The following CMKLR2 variants were observed in gnomAD, a reference collection of about 807,000 sequenced individuals.
The protein encoded by CMKLR2 is chemerin-like receptor 2.
A neutral mutation model predicts 23.0 loss-of-function variants in CMKLR2; 18 were observed. The observed-to-expected ratio is 0.78, with a 90% CI of 0.54 to 1.16. The LOEUF is 1.16. Among genes scored for constraint, CMKLR2 ranks in the 50% most tolerant of loss-of-function variants. CMKLR2 has a pLI of 0.00. For synonymous variants in CMKLR2, 158 were observed against 158.9 expected (o/e 0.99, Z 0.05); for missense variants, 401 against 412.7 (o/e 0.97, Z 0.25).
intron 1 of CMKLR2, chr2:206,203,350 A>AG (rs1689177606): frequency 6.6e-6 from 1 of 151,340 alleles, no homozygotes; most frequent in African/African-American, 2.4e-5. Context: ...AAAAAAAAAA[A>AG]AAAAGCAGCC....
At chr2:206,183,420 G>C (rs556403681) in intron 1 of CMKLR2, among the ~76,000 whole-genome samples, 1 of 152,282 alleles carries the variant, frequency 6.6e-6, no homozygotes, top group South Asian at 2.1e-4. Context: ...TCCGCATTCT[G>C]TTGGGGCAGG....
At chr2:206,185,738 G>C (rs1688557528) in intron 1 of CMKLR2, among the ~76,000 whole-genome samples, 1 of 152,174 alleles carries the variant, frequency 6.6e-6, no homozygotes. Context: ...GCTTGGATTA[G>C]GTGGTAGCAG....
intron 1 of CMKLR2, among the ~76,000 whole-genome samples, chr2:206,191,903 C>T (rs1287845822): frequency 5.4e-5 from 8 of 149,400 alleles, no homozygotes; most frequent in South Asian, 2.1e-4. Context: ...TGCAATGGCG[C>T]GATCTCGGTT....
chr2:206,180,438 C>A (rs940086051), intron 1 of CMKLR2, among the ~76,000 whole-genome samples: 5 of 151,904 alleles, frequency 3.3e-5, no homozygotes, highest in Admixed American at 6.6e-5. Flanking sequence ...TTACATAAAA[C>A]TTTTCGTTGT....
chr2:206,193,520 G>A (rs1457096286), intron 1 of CMKLR2, among the ~76,000 whole-genome samples: 1 of 152,156 alleles, frequency 6.6e-6, no homozygotes, highest in African/African-American at 2.4e-5. Flanking sequence ...GCATGTGACT[G>A]GACAACTGTT....
chr2:206,190,624 G>A (rs1330062508), intron 1 of CMKLR2, among the ~76,000 whole-genome samples: 1 of 152,182 alleles, frequency 6.6e-6, no homozygotes, highest in African/African-American at 2.4e-5. Context: ...CGTTTTTCTT[G>A]AGTTGGCATT....
chr2:206,186,117 C>CT (rs11317836), intron 1 of CMKLR2, among the ~76,000 whole-genome samples: 28,918 of 140,266 alleles, frequency 0.21, 3,915 homozygotes, highest in East Asian at 0.63. Context: ...GTGGAATGGG[C>CT]TTTTTTTTTT....
chr2:206,207,728 C>CTTTTTTTT (rs71034423), intron 1 of CMKLR2, among the ~76,000 whole-genome samples: 2,540 of 43,474 alleles, frequency 0.058, 679 homozygotes, highest in East Asian at 0.086. Flanking sequence ...ACCTCAGGGC[C>CTTTTTTTT]TTTTTTTTTT....
intron 1 of CMKLR2, among the ~76,000 whole-genome samples, chr2:206,179,303 G>A (rs573116533): frequency 1.3e-5 from 2 of 149,412 alleles, no homozygotes; most frequent in East Asian, 2.0e-4. Context: ...TCGAACTCCC[G>A]ACTTCCGGTG....
At chr2:206,186,724 A>T (rs536837865) in intron 1 of CMKLR2, among the ~76,000 whole-genome samples, 1 of 151,534 alleles carries the variant, frequency 6.6e-6, no homozygotes, top group African/African-American at 2.4e-5. Flanking sequence ...AAGACTTAAC[A>T]TGAAGGAGGT....
At chr2:206,182,743 C>G (rs1188786033) in intron 1 of CMKLR2, among the ~76,000 whole-genome samples, 5 of 152,048 alleles carry the variant, frequency 3.3e-5, no homozygotes, top group Non-Finnish European at 7.3e-5. Flanking sequence ...GCCTCAGCCT[C>G]CAGAATAGTT....
At chr2:206,182,100 T>C (rs1226183384) in intron 1 of CMKLR2, among the ~76,000 whole-genome samples, 1 of 152,020 alleles carries the variant, frequency 6.6e-6, no homozygotes, top group Non-Finnish European at 1.5e-5. Context: ...GGGTGAGTCT[T>C]GCTGTCTCGG....
intron 1 of CMKLR2, among the ~76,000 whole-genome samples, chr2:206,207,389 C>T (rs1689367502): frequency 6.6e-6 from 1 of 152,064 alleles, no homozygotes; most frequent in South Asian, 2.1e-4. Context: ...ATCCACCTGC[C>T]TTGGCCTCCC....
At chr2:206,188,716 T>C (rs1052351729) in intron 1 of CMKLR2, among the ~76,000 whole-genome samples, 1 of 152,240 alleles carries the variant, frequency 6.6e-6, no homozygotes, top group South Asian at 2.1e-4. Flanking sequence ...ATCACATTCC[T>C]GGGTTACTTC....
At chr2:206,205,760 C>T (rs577893133) in intron 1 of CMKLR2, among the ~76,000 whole-genome samples, 22 of 151,956 alleles carry the variant, frequency 1.4e-4, no homozygotes, top group Admixed American at 1.1e-3. Flanking sequence ...AGTGCAATGG[C>T]GTGATCTCGG....
chr2:206,192,287 T>A (rs1040962660), intron 1 of CMKLR2, among the ~76,000 whole-genome samples: 34 of 147,146 alleles, frequency 2.3e-4, no homozygotes, highest in African/African-American at 7.4e-4. Flanking sequence ...GCGTTCTCTT[T>A]AAAAAAAAAA....
rs1206851602 is a variant in CMKLR2, at chr2:206,177,051, T to A, written c.197A>T (p.Lys66Met). ...CAGAGTGGTGACTGTCTTCTTCCAC[T>A]TGAACCCCGTGAACCAAATGACGAT... is the stretch of plus-strand genomic sequence containing the variant. ...NAIVIWFTGF[K>M]WKKTVTTLWF... Residue 66 changes from lysine (K) to methionine (M), a missense_variant, in exon 2 of 2, where the codon AAG becomes ATG. By Grantham distance (95) the Lys-to-Met change is moderately conservative. Transcript: ENST00000621141. The A allele has an allele frequency of 6.2e-7, 1 of 1,614,196 alleles. No individual in the cohort carries two copies. The highest frequency in any genetic ancestry group is 1.7e-5 in the Admixed American group (1 of 60,026).
In CMKLR2 at chr2:206,178,828, T is replaced by C. The variant is rs149783038; in HGVS notation, c.-28-1553A>G. On this transcript the variant is annotated intron_variant, in intron 1 of 1. Transcript: ENST00000621141. ...CACTCCTGGCTAATTTTTGTATTTT[T>C]AGTAGAGACAGGGTTTCACCATGTT... 7.1e-3 allele frequency among the ~76,000 whole-genome samples: 1,084 copies of C among 152,154 alleles called. 19 individuals carry two copies. Among genetic ancestry groups the C allele is most frequent in the African/African-American group, 0.025 (1,031 of 41,518 alleles).
chr2:206,192,687 A>C (rs1264762891), intron 1 of CMKLR2, among the ~76,000 whole-genome samples: 1 of 152,076 alleles, frequency 6.6e-6, no homozygotes, highest in South Asian at 2.1e-4. Context: ...CTTTATCTCA[A>C]GTCTTGGAAA....
Sources: allele counts gnomAD v4.1 joint callset (sites outside exome capture counted in the v4.1 genomes callset), GRCh38; gene constraint gnomAD v4.1.1; transcripts MANE v1.5; gene names NCBI Gene and HGNC (gene_info 2026-07-23, HGNC 2026-07-21).